Variants in PALLD observed in about 807,000 individuals in gnomAD.
PALLD encodes the protein palladin, cytoskeletal associated protein.
A neutral mutation model predicts 123.5 loss-of-function variants in PALLD; 61 were observed. The ratio of observed to expected loss-of-function variants is 0.49; its 90% confidence interval spans 0.40 to 0.61. The LOEUF is 0.61. Ranked by LOEUF, PALLD falls within the 20% of genes least tolerant of loss-of-function variation. The probability of loss-of-function intolerance (pLI) is 0.00; values close to 1 mark genes in which losing one functional copy is unlikely to be tolerated. For synonymous variants in PALLD, 465 were observed against 496.4 expected (o/e 0.94, Z 0.84); for missense variants, 1,273 against 1,377.0 (o/e 0.92, Z 1.20).
intron 2 of PALLD, among the ~76,000 whole-genome samples, chr4:168,531,696 T>C (rs974794114): frequency 5.9e-5 from 9 of 152,218 alleles, no homozygotes; most frequent in African/African-American, 2.2e-4. Flanking sequence ...CTCACATTGA[T>C]GCTACTACAG....
At chr4:168,818,023 G>A (rs915220629) in intron 10 of PALLD, among the ~76,000 whole-genome samples, 4 of 152,138 alleles carry the variant, frequency 2.6e-5, no homozygotes, top group Non-Finnish European at 4.4e-5. Context: ...GATTGACCAC[G>A]GCATGTAGAT....
chr4:168,512,427 A>G lies in PALLD; in HGVS notation c.908+15A>G, dbSNP rs1300481362. On this transcript the variant is annotated intron_variant, in intron 2 of 21. Coordinates refer to ENST00000505667, the MANE Select transcript of PALLD (RefSeq NM_001166108.2). ...CCTCGAGTCAGGTATGAATTTTTGT[A>G]TTATGCATAGCAAATGATCTTGTTG... 2 of 1,603,238 alleles carry G rather than the reference A, an allele frequency of 1.2e-6. No homozygotes were observed. Among genetic ancestry groups the G allele is most frequent in the Admixed American group, 3.3e-5 (2 of 59,942 alleles).
chr4:168,739,387 A>G (rs1788102422), intron 10 of PALLD, among the ~76,000 whole-genome samples: 1 of 152,214 alleles, frequency 6.6e-6, no homozygotes, highest in Admixed American at 6.5e-5. Flanking sequence ...CCCACCAACA[A>G]TATATAAGTT....
At chr4:168,834,837 A>G (rs1316970161) in intron 10 of PALLD, among the ~76,000 whole-genome samples, 1 of 152,202 alleles carries the variant, frequency 6.6e-6, no homozygotes, top group Non-Finnish European at 1.5e-5. Flanking sequence ...CATGAACTAT[A>G]TTATTTGGAC....
chr4:168,642,809 A>G (rs1777090288), intron 2 of PALLD, among the ~76,000 whole-genome samples: 1 of 152,236 alleles, frequency 6.6e-6, no homozygotes, highest in Non-Finnish European at 1.5e-5. Context: ...GCAAATCCCA[A>G]CACAGTGGGA....
chr4:168,777,022 A>C (rs1735252056), intron 10 of PALLD, among the ~76,000 whole-genome samples: 1 of 149,060 alleles, frequency 6.7e-6, no homozygotes, highest in Non-Finnish European at 1.5e-5. Flanking sequence ...CTTTTCTTCC[A>C]TTTTAAATTT....
intron 15 of PALLD, among the ~76,000 whole-genome samples, chr4:168,906,567 C>T (rs1485428874): frequency 6.6e-6 from 1 of 152,122 alleles, no homozygotes; most frequent in African/African-American, 2.4e-5. Flanking sequence ...CATATAATAT[C>T]ACATTGTACC....
In PALLD at chr4:168,648,902, T is replaced by A. The variant is rs540873606; in HGVS notation, c.909-19288T>A. 9 of 152,362 alleles carry A rather than the reference T, an allele frequency of 5.9e-5. No homozygotes were observed. The East Asian group carries it at 1.5e-3, about 26-fold the overall frequency. 9.4% of individuals were successfully genotyped at this position (152,362 alleles called of 1,614,324 possible). ...GGAGTAAAAGCTGTAAGTAGACACC[T>A]TGTCATCTTCTCCTGTATATGCAAG... On this transcript the variant is annotated intron_variant, in intron 2 of 21. Transcript: ENST00000505667.
chr4:168,791,537 G>C (rs1476614489), intron 10 of PALLD, among the ~76,000 whole-genome samples: 2 of 152,142 alleles, frequency 1.3e-5, no homozygotes, highest in Non-Finnish European at 2.9e-5. Flanking sequence ...AAAGCCATCA[G>C]ATCTGGTGAG....
rs965940197 is a variant in PALLD, at chr4:168,832,270, C to T, written c.1965-58652C>T. 7.1e-6 allele frequency: 3 copies of T among 423,086 alleles called. 1 individual carries two copies. Among genetic ancestry groups the T allele is most frequent in the South Asian group, 1.9e-4 (2 of 10,306 alleles). 26.2% of individuals were successfully genotyped at this position (423,086 alleles called of 1,614,324 possible). On this transcript the variant is annotated intron_variant, in intron 10 of 21. Transcript: ENST00000505667. Reference sequence around the variant, plus strand: ...GGCCGCGAGTCGGGAGTGCAGGGCTCGGGACAGGGTGGGGGCGGGGAGGAC... The same window carrying T: ...GGCCGCGAGTCGGGAGTGCAGGGCTTGGGACAGGGTGGGGGCGGGGAGGAC...
At chr4:168,925,211 C>G (rs754499966) in intron 20 of PALLD, 22 bp from the exon 21 acceptor site, 3 of 1,459,218 alleles carry the variant, frequency 2.1e-6, no homozygotes, top group Non-Finnish European at 1.8e-6. Context: ...TCATATTGCT[C>G]TCTCTCTCTT....
intron 2 of PALLD, among the ~76,000 whole-genome samples, chr4:168,545,510 CAA>C (rs1766055844): frequency 6.7e-6 from 1 of 149,686 alleles, no homozygotes; most frequent in Non-Finnish European, 1.5e-5. Context: ...GCCTGGGCAA[CAA>C]GAGAGAAACT....
intron 10 of PALLD, among the ~76,000 whole-genome samples, chr4:168,811,788 ACAC>A (rs1741195261): frequency 1.3e-5 from 2 of 148,368 alleles, no homozygotes; most frequent in Non-Finnish European, 3.0e-5. Context: ...ACACACACAC[ACAC>A]ACACACACAC....
intron 2 of PALLD, among the ~76,000 whole-genome samples, chr4:168,579,778 A>T (rs1580406685): frequency 6.6e-6 from 1 of 152,100 alleles, no homozygotes; most frequent in African/African-American, 2.4e-5. Flanking sequence ...GATAAAAATT[A>T]TATATAAAGT....
intron 10 of PALLD, among the ~76,000 whole-genome samples, chr4:168,808,565 A>G (rs1377554729): frequency 6.6e-6 from 1 of 152,372 alleles, no homozygotes; most frequent in East Asian, 1.9e-4. Flanking sequence ...GAAGCTTAAC[A>G]TAAAGCATTG....
chr4:168,756,361 G>C, intron 10 of PALLD: 1 of 220,974 alleles, frequency 4.5e-6, no homozygotes, highest in Non-Finnish European at 9.6e-6. Flanking sequence ...TCTGAAAAAG[G>C]GACAGTTCAG....
rs1431940568 is a variant in PALLD at position 168,511,988 on chromosome 4, G to A, written c.484G>A (p.Gly162Ser). The change falls in exon 2 of 22, where the codon GGT (glycine) becomes AGT (serine). Residue 162 changes from glycine to serine, a missense_variant. Physicochemically the swap from Gly to Ser is moderately conservative, Grantham distance 56. Transcript: ENST00000505667. ...GCCCAAAACGCCACATCAAAGAAAG[G>A]GTGGCCCCCAGAGCCAGCTGTGTGA... ...VKPKTPHQRKGGPQSQLCDKA... is the reference protein window; with the variant it reads ...VKPKTPHQRKSGPQSQLCDKA... 2 of 1,614,162 alleles carry A rather than the reference G, an allele frequency of 1.2e-6. No homozygotes were observed. The highest frequency in any genetic ancestry group is 1.3e-5 in the African/African-American group (1 of 75,030).
intron 10 of PALLD, among the ~76,000 whole-genome samples, chr4:168,777,261 AAG>A (rs112303256): frequency 1.8e-4 from 28 of 152,206 alleles, no homozygotes; most frequent in African/African-American, 6.8e-4. Context: ...AAAACTGGGA[AAG>A]AGGGATACGG....
At chr4:168,700,043 T>G (rs1382209198) in intron 8 of PALLD, 3 of 328,836 alleles carry the variant, frequency 9.1e-6, no homozygotes, top group African/African-American at 6.6e-5. Flanking sequence ...TTTGTTCGAG[T>G]GAGATGCCAC....
Sources: gnomAD v4.1 joint callset for allele counts (sites outside exome capture counted in the v4.1 genomes callset) on GRCh38, gnomAD v4.1.1 for gene constraint, MANE v1.5 for transcripts, NCBI Gene and HGNC (gene_info 2026-07-23, HGNC 2026-07-21) for gene names.